ZNF385B: variants seen among roughly 807,000 people sequenced by gnomAD.
The protein encoded by ZNF385B is zinc finger protein 533.
ZNF385B carries 23 observed loss-of-function variants against 39.2 expected under a neutral mutation model. The ratio of observed to expected loss-of-function variants is 0.59; its 90% CI spans 0.42 to 0.83. The LOEUF (loss-of-function observed/expected upper bound fraction) is 0.83. ZNF385B is among the 40% of genes least tolerant of loss of function. The pLI is 0.00. For missense variants in ZNF385B, 552 were observed against 598.9 expected, an observed-to-expected ratio of 0.92 and a Z score of 0.82; for synonymous variants, 205 against 222.6, an observed-to-expected ratio of 0.92 and a Z score of 0.70.
intron 6 of ZNF385B, among the ~76,000 whole-genome samples, chr2:179,460,419 C>T (rs1398220972): frequency 6.6e-6 from 1 of 151,960 alleles, no homozygotes; most frequent in African/African-American, 2.4e-5. Flanking sequence ...ACCCTCCCTG[C>T]CTTGTTTTGT....
chr2:179,690,087 C>T (rs1698240677), intron 3 of ZNF385B, among the ~76,000 whole-genome samples: 1 of 152,246 alleles, frequency 6.6e-6, no homozygotes, highest in East Asian at 1.9e-4. Flanking sequence ...AAACTCTCTT[C>T]AATTACTCTA....
intron 1 of ZNF385B, among the ~76,000 whole-genome samples, 153 bp from the exon 2 acceptor site, chr2:179,770,825 T>G (rs946446773): frequency 6.6e-6 from 1 of 152,236 alleles, no homozygotes. Context: ...AAGGGAAGAT[T>G]CGAAAGGGAT....
At chr2:179,491,317 G>A (rs1318807233) in intron 5 of ZNF385B, among the ~76,000 whole-genome samples, 1 of 151,996 alleles carries the variant, frequency 6.6e-6, no homozygotes, top group Non-Finnish European at 1.5e-5. Context: ...CTTCTGGATT[G>A]GGATCAATAT....
At position 179,751,652 on chromosome 2, in the gene ZNF385B, G is replaced by A. The variant is rs1702683135; in HGVS notation, c.298+17851C>T. 2.6e-5 allele frequency among the ~76,000 whole-genome samples: 4 copies of A among 152,036 alleles called. No individual in the cohort carries two copies. The South Asian group carries it at 8.3e-4, about 32-fold the overall frequency. On this transcript the variant is annotated intron_variant, in intron 3 of 9. Coordinates refer to ENST00000410066, the MANE Select transcript of ZNF385B (RefSeq NM_152520.6). ...AGGAATGAAATTAAGAAATCTTTAA[G>A]GGAGACGGGGAAAACAATAACAGAG...
chr2:179,785,383 C>T (rs1389448497), intron 1 of ZNF385B, among the ~76,000 whole-genome samples: 9 of 152,034 alleles, frequency 5.9e-5, no homozygotes, highest in Non-Finnish European at 1.2e-4. Context: ...TCTATATGCT[C>T]ACAAAGAAAA....
chr2:179,851,506 G>A (rs1022660242), intron 1 of ZNF385B, among the ~76,000 whole-genome samples: 4 of 152,136 alleles, frequency 2.6e-5, no homozygotes, highest in Admixed American at 2.0e-4. Context: ...CAGGCTGAAC[G>A]TAGGGTTCAA....
intron 3 of ZNF385B, among the ~76,000 whole-genome samples, chr2:179,611,149 C>A (rs577002445): frequency 1.6e-4 from 24 of 152,128 alleles, no homozygotes; most frequent in Admixed American, 1.1e-3. Flanking sequence ...TCAGTTTTTC[C>A]CCATTCATTT....
chr2:179,699,545 A>G (rs1486405994), intron 3 of ZNF385B, among the ~76,000 whole-genome samples: 1 of 152,250 alleles, frequency 6.6e-6, no homozygotes, highest in Non-Finnish European at 1.5e-5. Flanking sequence ...TAAATAGTAA[A>G]GAATAATTTC....
chr2:179,519,567 TA>T, intron 4 of ZNF385B, among the ~76,000 whole-genome samples: 1 of 152,294 alleles, frequency 6.6e-6, no homozygotes, highest in Non-Finnish European at 1.5e-5. Flanking sequence ...ACATAGTCAT[TA>T]AAACACTCAG....
At chr2:179,761,011 T>C (rs1195564865) in intron 3 of ZNF385B, among the ~76,000 whole-genome samples, 2 of 152,212 alleles carry the variant, frequency 1.3e-5, no homozygotes, top group South Asian at 2.1e-4. Flanking sequence ...TCTTTCTCCA[T>C]TGACTTGCTT....
intron 6 of ZNF385B, among the ~76,000 whole-genome samples, chr2:179,464,400 G>A (rs960934239): frequency 1.3e-5 from 2 of 152,166 alleles, no homozygotes; most frequent in African/African-American, 4.8e-5. Context: ...TGCTTTCGGT[G>A]TTTTAGACAT....
rs144994432 is a variant in ZNF385B, at chr2:179,481,207, C to T, written c.715+2065G>A. 6.4e-4 allele frequency: 98 copies of T among 152,178 alleles called. 1 individual carries two copies. Among genetic ancestry groups the T allele is most frequent in the African/African-American group, 2.1e-3 (86 of 41,526 alleles). The allele number at this position is 152,178 out of a possible 1,614,324, so 9.4% of individuals were successfully genotyped here. On this transcript the variant is annotated intron_variant, in intron 6 of 9. Coordinates refer to ENST00000410066, the MANE Select transcript of ZNF385B (RefSeq NM_152520.6). ...AAGTGTCTTTGTTTTACTGAGCACC[C>T]GCTAACATTTGAGTATTGGAATGAA... is the stretch of plus-strand genomic sequence containing the variant.
At chr2:179,845,695 C>T (rs1048923073) in intron 1 of ZNF385B, among the ~76,000 whole-genome samples, 9 of 152,124 alleles carry the variant, frequency 5.9e-5, no homozygotes, top group Non-Finnish European at 1.2e-4. Flanking sequence ...CAGATGGTCA[C>T]GATAGGAAAC....
chr2:179,835,020 G>C (rs1355641654), intron 1 of ZNF385B, among the ~76,000 whole-genome samples: 1 of 152,146 alleles, frequency 6.6e-6, no homozygotes, highest in African/African-American at 2.4e-5. Context: ...CTCTGAATTA[G>C]AGGAGACTAA....
chr2:179,489,320 A>G (rs570823025), intron 5 of ZNF385B, among the ~76,000 whole-genome samples: 162 of 152,326 alleles, frequency 1.1e-3, no homozygotes, highest in Admixed American at 3.5e-3. Context: ...TACCTTGAAA[A>G]TGGTTCCCTG....
intron 3 of ZNF385B, among the ~76,000 whole-genome samples, chr2:179,730,750 T>C (rs144535887): frequency 9.5e-4 from 144 of 152,322 alleles, no homozygotes; most frequent in African/African-American, 3.3e-3. Flanking sequence ...AACAAATATA[T>C]GTACATGCAG....
intron 3 of ZNF385B, among the ~76,000 whole-genome samples, chr2:179,574,128 G>A (rs940649875): frequency 2.0e-5 from 3 of 152,064 alleles, no homozygotes; most frequent in African/African-American, 7.2e-5. Flanking sequence ...CAATTTGAGG[G>A]TGATGATAGA....
intron 3 of ZNF385B, among the ~76,000 whole-genome samples, chr2:179,571,955 C>T (rs1364386445): frequency 6.6e-6 from 1 of 152,126 alleles, no homozygotes; most frequent in South Asian, 2.1e-4. Context: ...CCTCGGACTA[C>T]TTCCAAGTCC....
chr2:179,546,957 T>C (rs1368820730), intron 3 of ZNF385B, among the ~76,000 whole-genome samples: 1 of 149,860 alleles, frequency 6.7e-6, no homozygotes, highest in Non-Finnish European at 1.5e-5. Flanking sequence ...TAGTTTTGAT[T>C]TGTCTGTTTT....
Sources: gnomAD v4.1 joint callset for allele counts (sites outside exome capture counted in the v4.1 genomes callset) on GRCh38, gnomAD v4.1.1 for gene constraint, MANE v1.5 for transcripts, NCBI Gene and HGNC (gene_info 2026-07-23, HGNC 2026-07-21) for gene names.